The following TASP1 variants were observed in gnomAD, a reference collection of about 807,000 sequenced individuals.
TASP1 encodes the protein taspase 1, also known as threonine aspartase 1.
Under a neutral mutation model 56.6 loss-of-function variants are expected in TASP1, and 16 were observed. That is an observed-to-expected ratio of 0.28 (90% CI 0.19 to 0.43). The LOEUF (loss-of-function observed/expected upper bound fraction) is 0.43. Ranked by LOEUF, TASP1 falls within the 20% of genes least tolerant of loss-of-function variation. TASP1 has a pLI of 1.00. For synonymous variants in TASP1, 179 were observed against 184.2 expected (o/e 0.97, Z 0.23); for missense variants, 393 against 511.6 (o/e 0.77, Z 2.24).
At chr20:13,539,778 G>C (rs2045553971) in intron 8 of TASP1, among the ~76,000 whole-genome samples, 1 of 152,162 alleles carries the variant, frequency 6.6e-6, no homozygotes. Flanking sequence ...TTTTCTAACT[G>C]GTAGAATTCC....
chr20:13,477,120 C>T lies in TASP1; in HGVS notation c.985+6107G>A, dbSNP rs146912605. On this transcript the variant is annotated intron_variant, in intron 11 of 13. Coordinates refer to ENST00000337743, the MANE Select transcript of TASP1 (RefSeq NM_017714.3). ...GGTACTTTTGTTCTTCCTATGACAG[C>T]TACTGTTCACATAAAATATTAATTG... 5.1e-3 allele frequency among the ~76,000 whole-genome samples: 773 copies of T among 152,106 alleles called. 4 individuals carry two copies. The highest frequency in any genetic ancestry group is 0.012 in the East Asian group (60 of 5,168).
chr20:13,362,772 A>G, the TASP1 span, among the ~76,000 whole-genome samples: 1 of 146,066 alleles, frequency 6.8e-6, no homozygotes, highest in African/African-American at 2.5e-5. Flanking sequence ...TTAGCAGTAA[A>G]GGGAGATTGA....
chr20:13,406,058 A>G (rs1398193175), intron 13 of TASP1, among the ~76,000 whole-genome samples: 1 of 152,168 alleles, frequency 6.6e-6, no homozygotes, highest in Non-Finnish European at 1.5e-5. Flanking sequence ...TCTGTGGAGG[A>G]ACACTGCCTT....
the TASP1 span, among the ~76,000 whole-genome samples, chr20:13,227,601 T>C: frequency 1.3e-5 from 2 of 151,226 alleles, no homozygotes; most frequent in Non-Finnish European, 2.9e-5. Context: ...CTCTGCCTCC[T>C]GGCTTCACGC....
chr20:13,486,856 CA>C (rs2043335816), intron 10 of TASP1, among the ~76,000 whole-genome samples: 1 of 152,126 alleles, frequency 6.6e-6, no homozygotes, highest in Non-Finnish European at 1.5e-5. Flanking sequence ...AGAACATCTG[CA>C]AAAAGACCTA....
chr20:13,370,472 T>C, the TASP1 span, among the ~76,000 whole-genome samples: 713 of 152,234 alleles, frequency 4.7e-3, 1 homozygote, highest in Non-Finnish European at 7.5e-3. Flanking sequence ...TGTTTGTACA[T>C]TTTGAAGTGG....
chr20:13,130,195 A>G, the TASP1 span, among the ~76,000 whole-genome samples: 14 of 152,340 alleles, frequency 9.2e-5, no homozygotes, highest in East Asian at 2.5e-3. Flanking sequence ...AATGAGCAGG[A>G]CAGGTTAGGA....
intron 4 of TASP1, among the ~76,000 whole-genome samples, chr20:13,601,005 G>A (rs1004891937): frequency 6.6e-6 from 1 of 152,162 alleles, no homozygotes; most frequent in African/African-American, 2.4e-5. Context: ...GCCGGGTGTG[G>A]TGGCTCACGC....
chr20:13,380,913 G>A, the TASP1 span, among the ~76,000 whole-genome samples: 11 of 152,266 alleles, frequency 7.2e-5, no homozygotes, highest in Admixed American at 6.5e-5. Context: ...CAGCAATGGC[G>A]GACGCCCCTC....
chr20:13,630,508 G>T (rs1036652567), intron 1 of TASP1, among the ~76,000 whole-genome samples: 4 of 151,800 alleles, frequency 2.6e-5, no homozygotes. Context: ...GACCAACATG[G>T]TGAAACCTCA....
chr20:13,165,007 G>C, the TASP1 span: 3 of 628,984 alleles, frequency 4.8e-6, no homozygotes, highest in African/African-American at 1.8e-5. Flanking sequence ...TGAGGGAGAC[G>C]TTGTTGTTTT....
At chr20:13,411,555 C>T (rs1161423904) in intron 13 of TASP1, among the ~76,000 whole-genome samples, 1 of 152,020 alleles carries the variant, frequency 6.6e-6, no homozygotes, top group Non-Finnish European at 1.5e-5. Flanking sequence ...AATGGTGTTG[C>T]CTTCTTGATT....
the TASP1 span, among the ~76,000 whole-genome samples, chr20:13,191,568 T>C: frequency 6.6e-6 from 1 of 152,176 alleles, no homozygotes; most frequent in Non-Finnish European, 1.5e-5. Flanking sequence ...AGTAGAATAC[T>C]GGTTTCCAGA....
At chr20:13,143,210 G>A in the TASP1 span, among the ~76,000 whole-genome samples, 1 of 152,194 alleles carries the variant, frequency 6.6e-6, no homozygotes, top group East Asian at 1.9e-4. Context: ...TTGGCTGTAG[G>A]TGCCGCAGGT....
At chr20:13,481,641 G>A (rs1439313794) in intron 11 of TASP1, among the ~76,000 whole-genome samples, 1 of 152,116 alleles carries the variant, frequency 6.6e-6, no homozygotes, top group African/African-American at 2.4e-5. Flanking sequence ...ACATCTCATT[G>A]TAGTTTTGAT....
chr20:13,351,350 C>A, the TASP1 span, among the ~76,000 whole-genome samples: 1 of 152,172 alleles, frequency 6.6e-6, no homozygotes, highest in Admixed American at 6.5e-5. Flanking sequence ...GAAATGAAAG[C>A]CTCTCCTCAC....
intron 4 of TASP1, among the ~76,000 whole-genome samples, chr20:13,589,704 A>G (rs2047449929): frequency 6.6e-6 from 1 of 152,182 alleles, no homozygotes; most frequent in Non-Finnish European, 1.5e-5. Context: ...CAAGCCATGT[A>G]TCTAATAAGG....
intron 5 of TASP1, among the ~76,000 whole-genome samples, chr20:13,584,467 A>G (rs764988744): frequency 5.4e-4 from 82 of 152,224 alleles, no homozygotes; most frequent in Admixed American, 1.1e-3. Flanking sequence ...TGGCCTTCAA[A>G]CACACGAAAT....
At chr20:13,559,220 AT>A (rs2046262227) in intron 7 of TASP1, 106 bp from the exon 8 acceptor site, 1 of 613,776 alleles carries the variant, frequency 1.6e-6, no homozygotes, top group Non-Finnish European at 2.6e-6. Context: ...ATCCTTCAGT[AT>A]GTTAAATTAA....
Sources: gnomAD v4.1 joint callset for allele counts (sites outside exome capture counted in the v4.1 genomes callset) on GRCh38, gnomAD v4.1.1 for gene constraint, MANE v1.5 for transcripts, NCBI Gene and HGNC (gene_info 2026-07-23, HGNC 2026-07-21) for gene names.